The following HMCN1 variants were observed in gnomAD, a reference collection of about 807,000 sequenced individuals.
HMCN1 encodes the protein hemicentin-1.
In HMCN1, 321 loss-of-function variants were observed where a neutral mutation model predicts 625.9. That is an observed-to-expected ratio of 0.51 (90% CI 0.47 to 0.56). The LOEUF (loss-of-function observed/expected upper bound fraction) is 0.56. Ranked by LOEUF, HMCN1 falls within the 20% of genes least tolerant of loss-of-function variation. The pLI is 0.00. For synonymous variants in HMCN1, 2,425 were observed against 2,417.6 expected, an observed-to-expected ratio of 1.00 and a Z score of -0.09; for missense variants, 6,588 against 6,887.3, an observed-to-expected ratio of 0.96 and a Z score of 1.54.
chr1:186,169,545 C>T (rs969082076), intron 100 of HMCN1, among the ~76,000 whole-genome samples: 1 of 152,266 alleles, frequency 6.6e-6, no homozygotes, highest in African/African-American at 2.4e-5. Context: ...ACATCTACAA[C>T]CATCTGATCT....
At chr1:186,074,035 T>C (rs1658641710) in intron 52 of HMCN1, among the ~76,000 whole-genome samples, 1 of 151,916 alleles carries the variant, frequency 6.6e-6, no homozygotes, top group South Asian at 2.1e-4. Flanking sequence ...CACCAAGAGT[T>C]ATGAGAAGAG....
chr1:185,978,011 A>G (rs1389281792), intron 16 of HMCN1, 30 bp downstream of exon 16: 3 of 1,470,168 alleles, frequency 2.0e-6, no homozygotes, highest in Admixed American at 3.4e-5. Flanking sequence ...TTTTGTACGA[A>G]TATGTACTTT....
intron 1 of HMCN1, among the ~76,000 whole-genome samples, chr1:185,824,113 T>C (rs1382364933): frequency 6.6e-6 from 1 of 152,200 alleles, no homozygotes; most frequent in African/African-American, 2.4e-5. Flanking sequence ...TCACATGTCC[T>C]GAGTACTTGG....
In HMCN1 at chr1:186,119,979, T is replaced by C. The variant is rs530622227; in HGVS notation, c.12095-32T>C. The C allele has an allele frequency of 7.5e-5, 121 of 1,613,988 alleles. No homozygotes were observed. In the African/African-American group the frequency reaches 1.1e-3, roughly 15 times the overall value. Reference sequence around the variant, plus strand: ...GTTTTTAATGAACAGGCTTTTTTTTTTCCCCACTCTGCTTTTGTAACTATG... The same window carrying C: ...GTTTTTAATGAACAGGCTTTTTTTTCTCCCCACTCTGCTTTTGTAACTATG... On this transcript the variant is annotated intron_variant, in intron 79 of 106. Coordinates refer to ENST00000271588, the MANE Select transcript of HMCN1 (RefSeq NM_031935.3).
At position 185,987,520 on chromosome 1, in the gene HMCN1, C is replaced by G; in HGVS notation, c.3024C>G (p.Pro1008=). 1.9e-6 allele frequency: 3 copies of G among 1,611,660 alleles called. No homozygotes were observed. Among genetic ancestry groups the G allele is most frequent in the Non-Finnish European group, 8.5e-7 (1 of 1,177,790 alleles). ...VTLPCKASGN[P]KPSVIWSKKG... ...TACCATGCAAAGCAAGTGGAAATCC[C>G]AAACCGTCTGTCATCTGGTCCAAGG... The change falls in exon 20 of 107, where the codon CCC becomes CCG. Residue 1008 remains proline (P), a synonymous_variant. Coordinates refer to ENST00000271588, the MANE Select transcript of HMCN1 (RefSeq NM_031935.3).
rs1309520911 is a variant in HMCN1, at chr1:185,977,787, C to T, written c.2372C>T (p.Ser791Leu). The part of the protein sequence containing the change: ...ATGKITLDVG[S>L]PPVFIQEPAD... ...ATTTGTTGTTTGTAATGTCTTCCAG[C>T]ACCTCCAGTTTTCATACAAGAACCT... The change falls in exon 16 of 107, where the codon TCA becomes TTA. Residue 791 changes from serine to leucine, a missense_variant and splice_region_variant. This residue lies in a region of HMCN1 where 4,628 missense variants were observed against 4,853.1 expected (regional missense o/e 0.95). Coordinates refer to ENST00000271588, the MANE Select transcript of HMCN1 (RefSeq NM_031935.3). 1 of 1,606,058 alleles carries T rather than the reference C, an allele frequency of 6.2e-7. No homozygotes were observed. Among genetic ancestry groups the T allele is most frequent in the Admixed American group, 1.7e-5 (1 of 59,958 alleles).
chr1:185,784,635 A>G (rs983258385), intron 1 of HMCN1, among the ~76,000 whole-genome samples: 2 of 151,938 alleles, frequency 1.3e-5, no homozygotes, highest in African/African-American at 4.8e-5. Context: ...AAATTTCTGA[A>G]CCTGTGACAC....
At chr1:185,912,176 C>G (rs1666460934) in intron 6 of HMCN1, among the ~76,000 whole-genome samples, 1 of 152,196 alleles carries the variant, frequency 6.6e-6, no homozygotes, top group Admixed American at 6.5e-5. Context: ...GCTGCACTGC[C>G]TGGGGAGCAG....
intron 98 of HMCN1, 31 bp from the exon 99 acceptor site, chr1:186,166,153 C>G (rs766781828): frequency 3.1e-6 from 5 of 1,613,094 alleles, no homozygotes; most frequent in Non-Finnish European, 4.2e-6. Flanking sequence ...ATTTTACATA[C>G]TGATTTGGGC....
chr1:186,038,791 A>C (rs746350559), intron 37 of HMCN1, 38 bp from the exon 38 acceptor site: 2 of 1,345,848 alleles, frequency 1.5e-6, no homozygotes, highest in Non-Finnish European at 2.1e-6. Context: ...AATTTAAAAA[A>C]TTTTTACATA....
chr1:185,778,033 G>A (rs1285929520), intron 1 of HMCN1, among the ~76,000 whole-genome samples: 1 of 152,180 alleles, frequency 6.6e-6, no homozygotes, highest in African/African-American at 2.4e-5. Context: ...AAATGGGCTA[G>A]GGTTTCCTCC....
intron 103 of HMCN1, chr1:186,177,277 G>A (rs1349928189): frequency 6.9e-6 from 1 of 145,478 alleles, no homozygotes; most frequent in East Asian, 2.0e-4. Flanking sequence ...CTGCACTCCA[G>A]CCTGGGCAAC....
At chr1:185,891,513 C>CA (rs1287684013) in intron 4 of HMCN1, among the ~76,000 whole-genome samples, 1 of 147,782 alleles carries the variant, frequency 6.8e-6, no homozygotes, top group African/African-American at 2.7e-5. Flanking sequence ...CTGGTCGTGA[C>CA]AAAATCTCTC....
At chr1:185,886,025 G>T (rs564175857) in intron 4 of HMCN1, among the ~76,000 whole-genome samples, 2 of 151,990 alleles carry the variant, frequency 1.3e-5, no homozygotes, top group African/African-American at 4.8e-5. Context: ...GTATCTAAAT[G>T]CTTATTGTGT....
intron 4 of HMCN1, among the ~76,000 whole-genome samples, chr1:185,901,861 A>G (rs1251486491): frequency 6.6e-6 from 1 of 151,792 alleles, no homozygotes; most frequent in East Asian, 1.9e-4. Context: ...AATGAGGTCT[A>G]TATTTTGAGG....
intron 11 of HMCN1, among the ~76,000 whole-genome samples, chr1:185,942,081 C>T (rs1335591137): frequency 2.6e-5 from 4 of 151,256 alleles, no homozygotes; most frequent in Non-Finnish European, 5.9e-5. Flanking sequence ...ATCCCAGCTA[C>T]TCGGGAGGAT....
intron 48 of HMCN1, 40 bp downstream of exon 48, chr1:186,062,640 T>G: frequency 7.8e-7 from 1 of 1,276,238 alleles, no homozygotes; most frequent in Non-Finnish European, 1.1e-6. Context: ...CTCCCCCCAC[T>G]CACTGATAGT....
intron 4 of HMCN1, among the ~76,000 whole-genome samples, chr1:185,888,825 G>GT (rs1664850534): frequency 6.9e-6 from 1 of 145,436 alleles, no homozygotes; most frequent in African/African-American, 2.8e-5. Context: ...CTTTAAAGTA[G>GT]TTTTTTCCAA....
At chr1:186,153,715 C>A in intron 96 of HMCN1, 35 bp from the exon 97 acceptor site, 1 of 1,557,966 alleles carries the variant, frequency 6.4e-7, no homozygotes, top group Non-Finnish European at 8.9e-7. Context: ...TAGTATGAGC[C>A]ATATTGATCT....
Sources: gnomAD v4.1 joint callset for allele counts (sites outside exome capture counted in the v4.1 genomes callset) on GRCh38, gnomAD v4.1.1 for gene constraint, gnomAD v4.1.1 regional missense constraint, MANE v1.5 for transcripts, NCBI Gene and HGNC (gene_info 2026-07-23, HGNC 2026-07-21) for gene names.